The following DNAH11 variants were observed in gnomAD, a reference collection of about 807,000 sequenced individuals.
DNAH11 encodes the protein dynein axonemal heavy chain 11, also known as axonemal beta dynein heavy chain 11.
A neutral mutation model predicts 526.0 loss-of-function variants in DNAH11; 442 were observed. That is an observed-to-expected ratio of 0.84 (90% CI 0.78 to 0.91). DNAH11 has a LOEUF of 0.91. DNAH11 is among the 40% of genes least tolerant of loss of function. DNAH11 has a pLI of 0.00. For synonymous variants in DNAH11, 2,461 were observed against 1,935.9 expected (o/e 1.27, Z -7.12); for missense variants, 6,989 against 5,448.7 (o/e 1.28, Z -8.90).
intron 30 of DNAH11, among the ~76,000 whole-genome samples, chr7:21,673,109 A>G (rs1782709998): frequency 1.3e-5 from 2 of 152,166 alleles, no homozygotes; most frequent in Admixed American, 6.5e-5. Context: ...ATGTTTATAT[A>G]AATAAGAGAA....
intron 22 of DNAH11, 32 bp downstream of exon 22, chr7:21,616,324 T>C: frequency 6.4e-7 from 1 of 1,557,424 alleles, no homozygotes; most frequent in Non-Finnish European, 8.8e-7. Flanking sequence ...TACAACAATT[T>C]ATCTTTCTCA....
At chr7:21,748,441 A>G (rs1010530207) in intron 51 of DNAH11, 139 bp from the exon 52 acceptor site, 3 of 946,606 alleles carry the variant, frequency 3.2e-6, no homozygotes, top group Non-Finnish European at 4.2e-6. Context: ...ATGAGCCAAG[A>G]TCGCGCCACT....
chr7:21,687,468 G>A lies in DNAH11; in HGVS notation c.5865G>A (p.Leu1955=), dbSNP rs1490571205. ...DEFNRISVEV[L]SVVAVQVKMI... ...TCAACCGAATCTCTGTGGAAGTTCT[G>A]TCAGTGGTGGCAGTACAAGTGAAAA... The change falls in exon 34 of 82, where the codon CTG becomes CTA. Residue 1955 remains leucine, a synonymous_variant. Transcript: ENST00000409508. The A allele has an allele frequency of 3.7e-6, 6 of 1,613,858 alleles. No individual in the cohort carries two copies. Among genetic ancestry groups the A allele is most frequent in the Non-Finnish European group, 5.1e-6 (6 of 1,179,936 alleles).
chr7:21,800,971 A>G (rs1436884586), intron 61 of DNAH11, among the ~76,000 whole-genome samples, 166 bp from the exon 62 acceptor site: 1 of 152,192 alleles, frequency 6.6e-6, no homozygotes, highest in Non-Finnish European at 1.5e-5. Flanking sequence ...TTATTTCATT[A>G]TATCCTTCTT....
At position 21,588,523 on chromosome 7, in the gene DNAH11, T is replaced by G; in HGVS notation, c.1860T>G (p.Gly620=). 6.2e-7 allele frequency: 1 copy of G among 1,613,800 alleles called. No individual in the cohort carries two copies. Among genetic ancestry groups the G allele is most frequent in the African/African-American group, 1.3e-5 (1 of 75,046 alleles). ...ATATCAACTTGCAGATTGAATGTGG[T>G]CATGTAGTTCTTAACAAGAACATGC... ...YNEHMKQIEC[G]HVVLNKNMPF... Residue 620 remains glycine, a synonymous_variant, in exon 11 of 82, where the codon GGT becomes GGG. Coordinates refer to ENST00000409508, the MANE Select transcript of DNAH11 (RefSeq NM_001277115.2).
chr7:21,656,290 G>C (rs868367702), intron 29 of DNAH11, among the ~76,000 whole-genome samples: 2 of 152,170 alleles, frequency 1.3e-5, no homozygotes, highest in Non-Finnish European at 1.5e-5. Flanking sequence ...CTCAGTGACT[G>C]AGTCTGCTAC....
intron 70 of DNAH11, 135 bp from the exon 71 acceptor site, chr7:21,866,335 A>C: frequency 1.4e-6 from 1 of 702,582 alleles, no homozygotes; most frequent in Non-Finnish European, 2.1e-6. Flanking sequence ...AAAAAAAAAA[A>C]GGAAATCTGA....
intron 28 of DNAH11, among the ~76,000 whole-genome samples, chr7:21,641,647 T>G (rs1432093181): frequency 6.6e-6 from 1 of 152,260 alleles, no homozygotes; most frequent in Non-Finnish European, 1.5e-5. Context: ...TCACAGTCTG[T>G]GCATCTCTGA....
intron 44 of DNAH11, among the ~76,000 whole-genome samples, chr7:21,724,578 G>A (rs1250767907): frequency 6.7e-6 from 1 of 148,900 alleles, no homozygotes. Flanking sequence ...ATGGATATAG[G>A]AGTCACTGCG....
chr7:21,588,625 T>A lies in DNAH11; in HGVS notation c.1962T>A (p.Ser654=). The A allele has an allele frequency of 6.2e-7, 1 of 1,613,118 alleles. No individual in the cohort carries two copies. Among genetic ancestry groups the A allele is most frequent in the South Asian group, 1.1e-5 (1 of 91,062 alleles). Residue 654 remains serine (S), a synonymous_variant, in exon 11 of 82, where the codon TCT becomes TCA. Coordinates refer to ENST00000409508, the MANE Select transcript of DNAH11 (RefSeq NM_001277115.2). ...RLQMFWSNFA[S]LRYLFLGNPD... ...AAATGTTTTGGTCAAACTTCGCATC[T>A]CTCCGTTATCTGTAAGTAGTTAAGC...
intron 49 of DNAH11, among the ~76,000 whole-genome samples, chr7:21,743,495 T>C (rs980413655): frequency 7.2e-5 from 11 of 152,368 alleles, no homozygotes; most frequent in Admixed American, 4.6e-4. Context: ...CTGAAATTTC[T>C]TTTGTGACAG....
intron 54 of DNAH11, among the ~76,000 whole-genome samples, chr7:21,764,823 C>G (rs553393121): frequency 6.6e-6 from 1 of 152,178 alleles, no homozygotes; most frequent in Non-Finnish European, 1.5e-5. Context: ...AGATTTACAG[C>G]AGAAACTTAA....
chr7:21,898,638 G>A (rs560295097), intron 79 of DNAH11, among the ~76,000 whole-genome samples: 30 of 152,096 alleles, frequency 2.0e-4, no homozygotes, highest in South Asian at 1.0e-3. Context: ...TAATTTTATC[G>A]AAGAGGTTCA....
intron 30 of DNAH11, among the ~76,000 whole-genome samples, chr7:21,680,855 A>G (rs907740717): frequency 1.3e-5 from 2 of 152,354 alleles, no homozygotes; most frequent in East Asian, 1.9e-4. Flanking sequence ...ATGCTTTTCT[A>G]AAGAAAAATA....
chr7:21,600,250 A>G (rs765402089), intron 15 of DNAH11, 131 bp downstream of exon 15: 174 of 776,984 alleles, frequency 2.2e-4, no homozygotes, highest in Admixed American at 4.4e-4. Context: ...GCTTGGGCCC[A>G]AGAGTTCAAG....
intron 68 of DNAH11, among the ~76,000 whole-genome samples, chr7:21,855,472 A>G (rs1782808022): frequency 6.6e-6 from 1 of 152,262 alleles, no homozygotes; most frequent in South Asian, 2.1e-4. Context: ...TATTACATGC[A>G]AGGCATTTTT....
rs756313769 is a variant in DNAH11, at chr7:21,615,125, G to A, written c.3864G>A (p.Glu1288=). 20 of 1,611,216 alleles carry A rather than the reference G, an allele frequency of 1.2e-5. No homozygotes were observed. Among genetic ancestry groups the A allele is most frequent in the Non-Finnish European group, 1.7e-5 (20 of 1,178,836 alleles). The change falls in exon 21 of 82, where the codon GAG becomes GAA. Residue 1288 remains glutamate, a synonymous_variant. Coordinates refer to ENST00000409508, the MANE Select transcript of DNAH11 (RefSeq NM_001277115.2). ...TGTTCTCTCCTTAGGCAAATGAAGA[G>A]CTTGAGGCCTTAGAAGAAGAAATGT... ...PYTALDKANE[E]LEALEEEMLQ...
At chr7:21,639,909 G>A (rs369415259) in intron 28 of DNAH11, among the ~76,000 whole-genome samples, 18 of 150,826 alleles carry the variant, frequency 1.2e-4, no homozygotes, top group East Asian at 1.2e-3. Context: ...GATATTTTTT[G>A]TGCCATTTTC....
intron 68 of DNAH11, among the ~76,000 whole-genome samples, chr7:21,857,914 AAACTT>A (rs1272790690): frequency 2.0e-5 from 3 of 152,188 alleles, no homozygotes; most frequent in Non-Finnish European, 4.4e-5. Context: ...TAGAAAATAA[AAACTT>A]AATAAATTGA....
Sources: gnomAD v4.1 joint callset for allele counts (sites outside exome capture counted in the v4.1 genomes callset) on GRCh38, gnomAD v4.1.1 for gene constraint, MANE v1.5 for transcripts, NCBI Gene and HGNC (gene_info 2026-07-23, HGNC 2026-07-21) for gene names.